Variants in ADNP2 observed in about 807,000 individuals in gnomAD.
ADNP2 encodes the protein activity-dependent neuroprotector homeobox protein 2.
In ADNP2, 8 loss-of-function variants were observed where a neutral mutation model predicts 16.4. The observed-to-expected ratio is 0.49, with a 90% CI of 0.29 to 0.88. The LOEUF (loss-of-function observed/expected upper bound fraction) is 0.88. ADNP2 is among the 40% of genes least tolerant of loss of function. The pLI, the probability that ADNP2 is intolerant of heterozygous loss-of-function variation, is 0.09. For synonymous variants in ADNP2, 637 were observed against 545.8 expected, an observed-to-expected ratio of 1.17 and a Z score of -2.33; for missense variants, 1,397 against 1,395.1, an observed-to-expected ratio of 1.00 and a Z score of -0.02.
At chr18:80,116,365 G>A (rs1471420623) in intron 1 of ADNP2, among the ~76,000 whole-genome samples, 1 of 152,048 alleles carries the variant, frequency 6.6e-6, no homozygotes, top group Non-Finnish European at 1.5e-5. Context: ...TAAGTTTTTG[G>A]GTGGATGTAT....
In ADNP2 at chr18:80,138,618, A is replaced by T. The variant is rs781374788; in HGVS notation, c.3205A>T (p.Ser1069Cys). 3.1e-6 allele frequency: 5 copies of T among 1,608,286 alleles called. No individual in the cohort carries two copies. The highest frequency in any genetic ancestry group is 4.2e-6 in the Non-Finnish European group (5 of 1,178,684). ...KDYFHKKPYPSKKEIELLSSL... is the reference protein window; with the variant it reads ...KDYFHKKPYPCKKEIELLSSL... ...TTATTTCCATAAGAAACCATATCCT[A>T]GTAAAAAGGAAATAGAACTGTTGTC... The change falls in exon 4 of 4, where the codon AGT becomes TGT. Residue 1069 changes from serine (S) to cysteine (C), a missense_variant. Transcript: ENST00000262198.
chr18:80,129,587 C>G (rs2052483212), intron 2 of ADNP2, among the ~76,000 whole-genome samples: 1 of 152,184 alleles, frequency 6.6e-6, no homozygotes, highest in Admixed American at 6.5e-5. Context: ...GCTTAGTCCC[C>G]TGTCCCCTGA....
At chr18:80,127,308 G>C (rs1240178187) in intron 2 of ADNP2, among the ~76,000 whole-genome samples, 2 of 147,634 alleles carry the variant, frequency 1.4e-5, no homozygotes, top group African/African-American at 5.0e-5. Flanking sequence ...CTGTCCCATA[G>C]CTCATTGATG....
chr18:80,127,345 T>TTTG (rs2052466532), intron 2 of ADNP2, among the ~76,000 whole-genome samples: 1 of 149,810 alleles, frequency 6.7e-6, no homozygotes, highest in South Asian at 2.1e-4. Flanking sequence ...TTCAGTTTTT[T>TTTG]TTTTTTTTTT....
chr18:80,123,854 C>T (rs1053496537), intron 2 of ADNP2, among the ~76,000 whole-genome samples: 1 of 152,020 alleles, frequency 6.6e-6, no homozygotes, highest in Admixed American at 6.6e-5. Flanking sequence ...CTCAGCCTCC[C>T]GAGTAGCTGG....
At chr18:80,134,002 A>G (rs539350982) in intron 3 of ADNP2, among the ~76,000 whole-genome samples, 2 of 151,980 alleles carry the variant, frequency 1.3e-5, no homozygotes, top group South Asian at 4.2e-4. Flanking sequence ...CCAGATAAGC[A>G]TTTTTATTTT....
At chr18:80,127,347 T>TTTG (rs1418552665) in intron 2 of ADNP2, among the ~76,000 whole-genome samples, 2 of 150,084 alleles carry the variant, frequency 1.3e-5, no homozygotes, top group Admixed American at 6.6e-5. Context: ...CAGTTTTTTT[T>TTTG]TTTTTTTTTT....
chr18:80,132,035 A>G (rs1178506098), intron 2 of ADNP2, among the ~76,000 whole-genome samples: 2 of 152,174 alleles, frequency 1.3e-5, no homozygotes, highest in African/African-American at 4.8e-5. Context: ...TTGTTTCTTT[A>G]TATGTACTCA....
Position 80,117,575 on chromosome 18 carries a change from C to T in ADNP2, c.33C>T (p.Asn11=), listed in dbSNP as rs1031027516. 1.2e-6 allele frequency: 2 copies of T among 1,600,732 alleles called. No homozygotes were observed. The highest frequency in any genetic ancestry group is 1.4e-5 in the African/African-American group (1 of 73,986). The change falls in exon 2 of 4, where the codon AAC becomes AAT. Residue 11 remains asparagine (N), a synonymous_variant. Coordinates refer to ENST00000262198, the MANE Select transcript of ADNP2 (RefSeq NM_014913.4). MFQIPVENLD[N]IRKVRKKVKG... ...AAATTCCTGTGGAAAATCTTGACAA[C>T]ATCAGAAAGGTGCGAAAAAAGGTGA...
chr18:80,115,991 C>T (rs903979356), intron 1 of ADNP2, among the ~76,000 whole-genome samples: 37 of 152,154 alleles, frequency 2.4e-4, no homozygotes, highest in African/African-American at 8.4e-4. Context: ...TCTTGAACTC[C>T]TGACCTCAGG....
In ADNP2 at chr18:80,135,657, A is replaced by T; in HGVS notation, c.244A>T (p.Thr82Ser). ...PYCCGLCKYS[T>S]KVLTSFKNHL... ...CTGTTGTGGCCTCTGTAAATACTCT[A>T]CAAAGGTGCTTACTTCATTCAAGAA... The change falls in exon 4 of 4, where the codon ACA (threonine) becomes TCA (serine). Residue 82 changes from threonine (T) to serine (S), a missense_variant. By Grantham distance (58) the Thr-to-Ser change is moderately conservative. Around this residue, in one of 3 missense-constraint regions of ADNP2, gnomAD observed 777 missense variants for 719.4 expected, o/e 1.08. Coordinates refer to ENST00000262198, the MANE Select transcript of ADNP2 (RefSeq NM_014913.4). 6.2e-7 allele frequency: 1 copy of T among 1,614,232 alleles called. No homozygotes were observed. Among genetic ancestry groups the T allele is most frequent in the Non-Finnish European group, 8.5e-7 (1 of 1,180,028 alleles).
Position 80,137,726 on chromosome 18 carries a change from G to T in ADNP2, c.2313G>T (p.Gly771=), listed in dbSNP as rs1302685453. The change falls in exon 4 of 4, where the codon GGG becomes GGT. Residue 771 remains glycine, a synonymous_variant. Transcript: ENST00000262198. This position sits in a 1 kb window ranked among gnomAD's most constrained non-coding sequence, Gnocchi z 4.2. ...LIHHLLMHGL[G]CLFCPCTFHD... ...ACCACTTGCTGATGCATGGCTTGGG[G>T]TGCTTGTTCTGTCCATGCACCTTCC... 6.8e-6 allele frequency: 11 copies of T among 1,614,048 alleles called. No homozygotes were observed. Among genetic ancestry groups the T allele is most frequent in the South Asian group, 1.1e-5 (1 of 91,090 alleles).
rs2052547142 is a variant in ADNP2, at chr18:80,137,355, G to A, written c.1942G>A (p.Ala648Thr). The change falls in exon 4 of 4, where the codon GCA (alanine) becomes ACA (threonine). Residue 648 changes from alanine (A) to threonine (T), a missense_variant. Around this residue, in one of 3 missense-constraint regions of ADNP2, gnomAD observed 611 missense variants for 648.7 expected, o/e 0.94. Coordinates refer to ENST00000262198, the MANE Select transcript of ADNP2 (RefSeq NM_014913.4). This position sits in a 1 kb window ranked among gnomAD's most constrained non-coding sequence, Gnocchi z 4.2. ...GCCCATCCAGCTCCTGCCGTCAGGT[G>A]CAGCTGCACCAATGGCCGGTTCCAT... ...QMPIQLLPSG[A>T]AAPMAGSMPG... The A allele has an allele frequency of 6.2e-7, 1 of 1,614,016 alleles. No individual in the cohort carries two copies. Among genetic ancestry groups the A allele is most frequent in the South Asian group, 1.1e-5 (1 of 91,086 alleles).
chr18:80,117,499 T>G, intron 1 of ADNP2, 31 bp from the exon 2 acceptor site: 1 of 1,399,860 alleles, frequency 7.1e-7, no homozygotes, highest in Non-Finnish European at 9.9e-7. Context: ...ATACATGTAC[T>G]TATTACAGTT....
chr18:80,117,062 G>C (rs989338947), intron 1 of ADNP2, among the ~76,000 whole-genome samples: 1 of 152,180 alleles, frequency 6.6e-6, no homozygotes, highest in Non-Finnish European at 1.5e-5. Context: ...AGAGTTATCT[G>C]TATTCTGCAT....
At chr18:80,122,989 A>G (rs541891998) in intron 2 of ADNP2, among the ~76,000 whole-genome samples, 3 of 151,266 alleles carry the variant, frequency 2.0e-5, no homozygotes, top group Admixed American at 1.3e-4. Flanking sequence ...TTCAATTCCT[A>G]GTTTTCTGAG....
intron 2 of ADNP2, among the ~76,000 whole-genome samples, chr18:80,127,003 C>T (rs1429169513): frequency 3.3e-5 from 5 of 152,176 alleles, no homozygotes; most frequent in Non-Finnish European, 7.3e-5. Flanking sequence ...CGCATGCCAC[C>T]ACAAGAAGGG....
In ADNP2 at chr18:80,137,148, A is replaced by AT; in HGVS notation, c.1735_1736insT (p.Asn579IlefsTer139). The AT allele has an allele frequency of 6.2e-7, 1 of 1,614,192 alleles. No homozygotes were observed. The highest frequency in any genetic ancestry group is 8.5e-7 in the Non-Finnish European group (1 of 1,180,024). On this transcript the variant is annotated frameshift_variant, in exon 4 of 4. Transcript: ENST00000262198. LOFTEE classifies it low-confidence loss of function (END_TRUNC). The surrounding 1 kb of genome is among the most constrained non-coding windows in gnomAD (Gnocchi z 4.2). ...TGTGGGCACCAACATTCTGCCTGTG[A>AT]ATCAGCCAGTGAGACCTGGTGCTTC...
rs2052560234 is a variant in ADNP2 at position 80,138,638 on chromosome 18, G to C, written c.3225G>C (p.Leu1075=). The change falls in exon 4 of 4, where the codon CTG becomes CTC. Residue 1075 remains leucine (L), a synonymous_variant. Coordinates refer to ENST00000262198, the MANE Select transcript of ADNP2 (RefSeq NM_014913.4). ...KPYPSKKEIE[L]LSSLFWVWKI... is the part of the protein sequence containing the mutation. ...ATCCTAGTAAAAAGGAAATAGAACTGTTGTCCTCACTCTTTTGGGTGTGGA... is the reference window on the plus strand; with the variant it reads ...ATCCTAGTAAAAAGGAAATAGAACTCTTGTCCTCACTCTTTTGGGTGTGGA... 2 of 1,611,072 alleles carry C rather than the reference G, an allele frequency of 1.2e-6. No homozygotes were observed. Among genetic ancestry groups the C allele is most frequent in the Non-Finnish European group, 1.7e-6 (2 of 1,179,344 alleles).
Sources: gnomAD v4.1 joint callset for allele counts (sites outside exome capture counted in the v4.1 genomes callset) on GRCh38, gnomAD v4.1.1 for gene constraint, gnomAD v4.1.1 regional missense constraint, Gnocchi (gnomAD v3.1) non-coding constraint, MANE v1.5 for transcripts, NCBI Gene and HGNC (gene_info 2026-07-23, HGNC 2026-07-21) for gene names.